Variants in PBRM1 observed in about 807,000 individuals in gnomAD.
The protein encoded by PBRM1 is protein polybromo-1.
Under a neutral mutation model 194.5 loss-of-function variants are expected in PBRM1, and 27 were observed. That is an observed-to-expected ratio of 0.14 (90% confidence interval 0.10 to 0.19). PBRM1 has a LOEUF of 0.19. Among genes scored for constraint, PBRM1 ranks in the 10% least tolerant of loss-of-function variants. The pLI is 1.00. For missense variants in PBRM1, 1,466 were observed against 2,077.2 expected (o/e 0.71, Z 5.72); for synonymous variants, 655 against 693.2 (o/e 0.94, Z 0.87).
intron 22 of PBRM1, among the ~76,000 whole-genome samples, chr3:52,575,873 C>T (rs2153651781): frequency 6.6e-6 from 1 of 151,838 alleles, no homozygotes; most frequent in African/African-American, 2.4e-5. Context: ...AATGTCATTG[C>T]AAATAGTGAA....
At chr3:52,615,086 T>C (rs956958364) in intron 15 of PBRM1, among the ~76,000 whole-genome samples, 3 of 152,198 alleles carry the variant, frequency 2.0e-5, no homozygotes, top group Non-Finnish European at 4.4e-5. Flanking sequence ...GAAAAATCTA[T>C]TCTTACTATT....
At chr3:52,591,764 C>T (rs1464371126) in intron 17 of PBRM1, among the ~76,000 whole-genome samples, 5 of 149,056 alleles carry the variant, frequency 3.4e-5, no homozygotes, top group South Asian at 2.1e-4. Flanking sequence ...GTGATCCACC[C>T]GCCCCGGCCT....
downstream of PBRM1, chr3:52,547,933 G>C (rs961329654): frequency 7.7e-6 from 5 of 647,570 alleles, no homozygotes; most frequent in African/African-American, 9.7e-5. Context: ...TATAAAAATG[G>C]CCTTGTGATG....
chr3:52,631,747 C>T (rs184647188), intron 11 of PBRM1, among the ~76,000 whole-genome samples: 4 of 152,230 alleles, frequency 2.6e-5, no homozygotes, highest in South Asian at 2.1e-4. Context: ...GAAGGCACAG[C>T]GGGACCAATT....
At chr3:52,596,272 T>C (rs1429513995) in intron 17 of PBRM1, among the ~76,000 whole-genome samples, 1 of 151,280 alleles carries the variant, frequency 6.6e-6, no homozygotes, top group Non-Finnish European at 1.5e-5. Context: ...ACCCCGTCTC[T>C]ACTAAAAATA....
chr3:52,602,093 TTGC>T (rs1303471072), intron 17 of PBRM1, among the ~76,000 whole-genome samples: 1 of 152,222 alleles, frequency 6.6e-6, no homozygotes, highest in African/African-American at 2.4e-5. Context: ...GATCAATCAG[TTGC>T]TGCTTTTAAG....
intron 2 of PBRM1, among the ~76,000 whole-genome samples, chr3:52,676,114 C>CAAAAAAAAAAAAAA (rs1019237005): frequency 2.0e-4 from 1 of 5,116 alleles, no homozygotes; most frequent in African/African-American, 2.3e-3. Context: ...GACTCCGTCT[C>CAAAAAAAAAAAAAA]AAAAAAAAAA....
intron 22 of PBRM1, among the ~76,000 whole-genome samples, chr3:52,566,473 A>C (rs1478698472): frequency 6.6e-6 from 1 of 152,236 alleles, no homozygotes; most frequent in African/African-American, 2.4e-5. Flanking sequence ...AATGGAATAT[A>C]CAGCCTTAGG....
At chr3:52,621,688 A>G (rs751440965) in intron 13 of PBRM1, among the ~76,000 whole-genome samples, 8 of 152,226 alleles carry the variant, frequency 5.3e-5, no homozygotes, top group African/African-American at 1.9e-4. Flanking sequence ...TAAGCATATT[A>G]AAGTATAAAA....
intron 22 of PBRM1, among the ~76,000 whole-genome samples, chr3:52,571,869 A>C (rs868136268): frequency 0.011 from 1,533 of 144,912 alleles, 22 homozygotes; most frequent in South Asian, 0.026. Context: ...AAAAAAAAAA[A>C]AAAAAAAAAA....
rs2081051489 is a variant in PBRM1 at position 52,551,809 on chromosome 3, G to C, written c.4610-992C>G. 3 of 152,174 alleles carry C rather than the reference G, an allele frequency of 2.0e-5. No homozygotes were observed. The South Asian group carries it at 6.2e-4, about 32-fold the overall frequency. 9.4% of individuals were successfully genotyped at this position (152,174 alleles called of 1,614,324 possible). A position where few individuals can be genotyped will look rare whatever the true frequency, so the allele number is the denominator to read the frequency against. On this transcript the variant is annotated intron_variant, in intron 27 of 29. Transcript: ENST00000296302. Reference sequence around the variant, plus strand: ...GTATAGTCCCTTCGGATTAAAAATCGTAATATTTTGTCCAGGCAGAAGCAG... The same window carrying C: ...GTATAGTCCCTTCGGATTAAAAATCCTAATATTTTGTCCAGGCAGAAGCAG...
intron 2 of PBRM1, among the ~76,000 whole-genome samples, chr3:52,677,141 T>C (rs2097123917): frequency 6.6e-6 from 1 of 152,206 alleles, no homozygotes; most frequent in African/African-American, 2.4e-5. Context: ...GATATTGGAT[T>C]TGGCATTAAT....
chr3:52,572,458 T>G (rs2087736227), intron 22 of PBRM1, among the ~76,000 whole-genome samples: 1 of 152,058 alleles, frequency 6.6e-6, no homozygotes, highest in South Asian at 2.1e-4. Flanking sequence ...CTGCAACCTC[T>G]CCCTCACAGG....
intron 27 of PBRM1, among the ~76,000 whole-genome samples, chr3:52,553,723 G>C (rs573918473): frequency 1.7e-4 from 25 of 146,860 alleles, no homozygotes; most frequent in Admixed American, 4.2e-4. Flanking sequence ...GTGTAGTGGT[G>C]CAATCTCGGC....
At chr3:52,680,774 G>T (rs1339952506), upstream of PBRM1, among the ~76,000 whole-genome samples, 1 of 151,988 alleles carries the variant, frequency 6.6e-6, no homozygotes, top group East Asian at 1.9e-4. Flanking sequence ...CGATTCTCCT[G>T]CCTCAGCCTC....
intron 20 of PBRM1, among the ~76,000 whole-genome samples, chr3:52,580,520 A>G (rs1041764561): frequency 5.3e-5 from 8 of 151,686 alleles, no homozygotes; most frequent in African/African-American, 1.9e-4. Flanking sequence ...TACCATGCCC[A>G]GCTAATTTTT....
chr3:52,571,916 T>C (rs918415014), intron 22 of PBRM1, among the ~76,000 whole-genome samples: 3 of 140,156 alleles, frequency 2.1e-5, no homozygotes, highest in South Asian at 2.3e-4. Context: ...TACATCCCTA[T>C]AGTCCCAGCT....
intron 3 of PBRM1, among the ~76,000 whole-genome samples, chr3:52,662,775 G>A (rs894544420): frequency 5.3e-5 from 8 of 150,092 alleles, no homozygotes; most frequent in Admixed American, 2.7e-4. Context: ...GCAGTGAGCC[G>A]AGATTGCGCC....
chr3:52,653,609 A>G (rs1413310337), intron 5 of PBRM1, among the ~76,000 whole-genome samples: 2 of 148,432 alleles, frequency 1.3e-5, no homozygotes, highest in African/African-American at 5.0e-5. Flanking sequence ...AAAAAGAAAG[A>G]AAGAAATGAA....
Sources: gnomAD v4.1 joint callset for allele counts (sites outside exome capture counted in the v4.1 genomes callset) on GRCh38, gnomAD v4.1.1 for gene constraint, MANE v1.5 for transcripts, NCBI Gene and HGNC (gene_info 2026-07-23, HGNC 2026-07-21) for gene names.